THOC2: variants seen among roughly 807,000 people sequenced by gnomAD.
THOC2 encodes THO complex 2.
In THOC2, 10 loss-of-function variants were observed where a neutral mutation model predicts 128.4. The ratio of observed to expected loss-of-function variants is 0.08; its 90% CI spans 0.05 to 0.13. The LOEUF is 0.13. Among genes scored for constraint, THOC2 ranks in the 10% least tolerant of loss-of-function variants. The pLI is 1.00. For missense variants in THOC2, 535 were observed against 1,155.7 expected (o/e 0.46, Z 7.79); for synonymous variants, 393 against 396.9 (o/e 0.99, Z 0.12).
In THOC2 at chrX:123,669,412, C is replaced by T. The variant is rs150818547; in HGVS notation, c.862-1098G>A. On this transcript the variant is annotated intron_variant, in intron 9 of 38. Transcript: ENST00000245838. ...TCGGCCCACCGCAATCTCTGCCTCCCGGCTTCAAGCAATTCTGCCTCAGCC... is the reference window on the plus strand; with the variant it reads ...TCGGCCCACCGCAATCTCTGCCTCCTGGCTTCAAGCAATTCTGCCTCAGCC... 3.3e-3 allele frequency among the ~76,000 whole-genome samples: 368 copies of T among 109,929 alleles called. 1 individual carries two copies. Among genetic ancestry groups the T allele is most frequent in the Non-Finnish European group, 4.8e-3 (252 of 52,628 alleles).
chrX:123,620,845 G>A (rs770306992), intron 32 of THOC2, 62 bp downstream of exon 32: 1 of 1,087,305 alleles, frequency 9.2e-7, no homozygotes, highest in Non-Finnish European at 1.3e-6. Flanking sequence ...AGGAAGTCAG[G>A]ACACTGGTAT....
chrX:123,673,921 C>G (rs892432788), intron 8 of THOC2, among the ~76,000 whole-genome samples: 1 of 111,921 alleles, frequency 8.9e-6, no homozygotes, highest in African/African-American at 3.2e-5. Context: ...ACTACTCCCT[C>G]ACTATTGTTG....
intron 17 of THOC2, among the ~76,000 whole-genome samples, 163 bp downstream of exon 17, chrX:123,638,769 TAC>T (rs745502483): frequency 0.021 from 1,986 of 92,816 alleles, 17 homozygotes; most frequent in African/African-American, 0.028. Context: ...CTCTCTCACA[TAC>T]ACACACACAC....
At chrX:123,656,734 G>A (rs985388436) in intron 12 of THOC2, among the ~76,000 whole-genome samples, 5 of 109,402 alleles carry the variant, frequency 4.6e-5, no homozygotes, top group Non-Finnish European at 7.6e-5. Flanking sequence ...GGGGAGCCGG[G>A]CATGGTGGCT....
intron 12 of THOC2, among the ~76,000 whole-genome samples, chrX:123,665,380 G>C (rs969739599): frequency 4.5e-5 from 5 of 111,322 alleles, no homozygotes; most frequent in African/African-American, 1.6e-4. Context: ...GTATGTAGTA[G>C]GTCATACCAT....
Position 123,664,837 on chromosome X carries a change from ATGTTT to A in THOC2, c.1386+800_1386+804del, listed in dbSNP as rs200206588. Reference sequence around the variant, plus strand: ...CACTGAGCTGTATTTTTCCGTATGTATGTTTTATTTCAATAAAAATCTTAGTAAAA... The same window carrying A: ...CACTGAGCTGTATTTTTCCGTATGTATATTTCAATAAAAATCTTAGTAAAA... On this transcript the variant is annotated intron_variant, in intron 12 of 38. Transcript: ENST00000245838. Among the ~76,000 whole-genome samples, 790 of 111,804 alleles carry A rather than the reference ATGTTT, an allele frequency of 7.1e-3. 5 individuals are homozygous for A. The highest frequency in any genetic ancestry group is 0.024 in the African/African-American group (729 of 30,778).
chrX:123,641,967 T>TA (rs1350385292), intron 15 of THOC2, among the ~76,000 whole-genome samples: 1 of 112,271 alleles, frequency 8.9e-6, no homozygotes, highest in Non-Finnish European at 1.9e-5. Context: ...CTTACAAATA[T>TA]AACAAAAATC....
chrX:123,638,007 T>G, intron 18 of THOC2, 36 bp downstream of exon 18: 2 of 1,010,991 alleles, frequency 2.0e-6, no homozygotes, highest in South Asian at 4.2e-5. Context: ...TTACCACAGA[T>G]AGTAATTTCA....
At chrX:123,685,052 A>G (rs2049949101) in intron 8 of THOC2, among the ~76,000 whole-genome samples, 1 of 112,334 alleles carries the variant, frequency 8.9e-6, no homozygotes, top group Admixed American at 9.4e-5. Context: ...AGCTATACCA[A>G]AAGGTAAATG....
intron 12 of THOC2, among the ~76,000 whole-genome samples, chrX:123,654,716 G>A (rs912042431): frequency 5.8e-4 from 50 of 86,141 alleles, no homozygotes; most frequent in East Asian, 2.6e-3. Context: ...GTGAGATTGC[G>A]CCACTGCATT....
Position 123,669,442 on chromosome X carries a change from G to A in THOC2, c.862-1128C>T, listed in dbSNP as rs988462230. Among the ~76,000 whole-genome samples the A allele has an allele frequency of 4.7e-4, 51 of 109,640 alleles. 1 individual carries two copies. Among genetic ancestry groups the A allele is most frequent in the Non-Finnish European group, 7.6e-5 (4 of 52,604 alleles). The stretch of plus-strand genomic sequence containing the variant: ...TCAAGCAATTCTGCCTCAGCCTCTC[G>A]AGTAGCTGGGATTACAGGCATGTGC... On this transcript the variant is annotated intron_variant, in intron 9 of 38. Coordinates refer to ENST00000245838, the MANE Select transcript of THOC2 (RefSeq NM_001081550.2).
chrX:123,621,855 C>T (rs778345603), intron 30 of THOC2, among the ~76,000 whole-genome samples: 1 of 110,573 alleles, frequency 9.0e-6, no homozygotes, highest in East Asian at 2.9e-4. Context: ...CCAGCCTGGT[C>T]AACATGGTGA....
At chrX:123,704,584 G>A (rs2050848515) in intron 3 of THOC2, among the ~76,000 whole-genome samples, 1 of 111,663 alleles carries the variant, frequency 9.0e-6, no homozygotes, top group South Asian at 3.7e-4. Flanking sequence ...ATCGGGCCAG[G>A]CACAGTGGCT....
intron 12 of THOC2, among the ~76,000 whole-genome samples, chrX:123,654,252 T>G (rs2048477057): frequency 9.2e-6 from 1 of 109,285 alleles, no homozygotes; most frequent in Admixed American, 9.8e-5. Flanking sequence ...CAGGGGTCTG[T>G]AGCAGGGTAG....
At chrX:123,689,355 G>A (rs1305886589) in intron 7 of THOC2, among the ~76,000 whole-genome samples, 1 of 111,841 alleles carries the variant, frequency 8.9e-6, no homozygotes, top group Admixed American at 9.5e-5. Flanking sequence ...CATATCTCAG[G>A]TGCCGTAAGT....
At chrX:123,694,468 A>G (rs2050361460) in intron 7 of THOC2, among the ~76,000 whole-genome samples, 1 of 110,536 alleles carries the variant, frequency 9.0e-6, no homozygotes, top group African/African-American at 3.3e-5. Context: ...TACAAAAATT[A>G]GCTGGGTGTG....
At chrX:123,728,075 C>T (rs1465944049) in intron 1 of THOC2, among the ~76,000 whole-genome samples, 1 of 111,937 alleles carries the variant, frequency 8.9e-6, no homozygotes, top group East Asian at 2.8e-4. Flanking sequence ...TTACGCTTCA[C>T]TTAATTCTTT....
intron 38 of THOC2, among the ~76,000 whole-genome samples, chrX:123,605,476 T>C (rs188866057): frequency 2.3e-4 from 26 of 111,479 alleles, no homozygotes; most frequent in African/African-American, 8.1e-4. Context: ...AAGAGTCTAG[T>C]ATACATTTAA....
chrX:123,646,686 T>C (rs2147712428), intron 12 of THOC2, among the ~76,000 whole-genome samples: 1 of 112,304 alleles, frequency 8.9e-6, no homozygotes, highest in Admixed American at 9.4e-5. Context: ...TAAAAAGGTA[T>C]GGTTCCTTTC....
Sources: gnomAD v4.1 joint callset for allele counts (sites outside exome capture counted in the v4.1 genomes callset) on GRCh38, gnomAD v4.1.1 for gene constraint, MANE v1.5 for transcripts, NCBI Gene and HGNC (gene_info 2026-07-23, HGNC 2026-07-21) for gene names.